The following PID1 variants were observed in gnomAD, a reference collection of about 807,000 sequenced individuals.
PID1 encodes phosphotyrosine interaction domain containing 1, also known as PTB-containing, cubilin and LRP1-interacting protein.
PID1 carries 10 observed loss-of-function variants against 19.1 expected under a neutral mutation model. That is an observed-to-expected ratio of 0.52 (90% CI 0.32 to 0.89). PID1 has a LOEUF of 0.89. Among genes scored for constraint, PID1 ranks in the 40% least tolerant of loss-of-function variants. PID1 has a pLI of 0.03. For synonymous variants in PID1, 130 were observed against 116.0 expected (o/e 1.12, Z -0.78); for missense variants, 248 against 285.3 (o/e 0.87, Z 0.94).
chr2:229,262,969 G>A, intron 1 of PID1: 3 of 1,309,174 alleles, frequency 2.3e-6, no homozygotes, highest in Non-Finnish European at 2.0e-6. Context: ...GCTTACATCT[G>A]CACAAACCTT....
At position 229,024,903 on chromosome 2, in the gene PID1, A is replaced by C; in HGVS notation, c.*729T>G. 6.6e-6 allele frequency: 1 copy of C among 152,612 alleles called. No individual in the cohort carries two copies. Among genetic ancestry groups the C allele is most frequent in the Non-Finnish European group, 1.5e-5 (1 of 68,044 alleles). The allele number at this position is 152,612 out of a possible 1,614,324, so 9.5% of individuals were successfully genotyped here. A position where few individuals can be genotyped will look rare whatever the true frequency, so the allele number is the denominator to read the frequency against. On this transcript the variant is annotated 3_prime_UTR_variant, in exon 3 of 3. Coordinates refer to ENST00000392055, the MANE Select transcript of PID1 (RefSeq NM_001100818.2). ...CATATGCTGAGATTTCATCCCTCTA[A>C]GGATGTTAGAAGGGGAAAGAGGGTG...
At position 229,179,682 on chromosome 2, in the gene PID1, C is replaced by A. The variant is rs191676153; in HGVS notation, c.31-23718G>T. Among the ~76,000 whole-genome samples the A allele has an allele frequency of 1.3e-3, 198 of 151,854 alleles. 2 individuals are homozygous for A. Among genetic ancestry groups the A allele is most frequent in the East Asian group, 5.8e-4 (3 of 5,170 alleles). ...CATGCAAGATTCCCAACAACAACAA[C>A]AAAAAAAAGCAGCTCTCCTCAAAGC... On this transcript the variant is annotated intron_variant, in intron 1 of 2. Transcript: ENST00000392055.
chr2:229,231,888 G>A lies in PID1; in HGVS notation c.30+39126C>T, dbSNP rs965843900. ...TGCTATAACGAAATACCACAGAGTA[G>A]ATAATTTATAAAAAAAAACAGAAAT... On this transcript the variant is annotated intron_variant, in intron 1 of 2. Transcript: ENST00000392055. The A allele has an allele frequency of 3.8e-5, 59 of 1,549,358 alleles. 1 individual carries two copies. Among genetic ancestry groups the A allele is most frequent in the Non-Finnish European group, 4.7e-5 (54 of 1,146,408 alleles).
At chr2:229,238,228 G>GT (rs943180724) in intron 1 of PID1, among the ~76,000 whole-genome samples, 14 of 152,130 alleles carry the variant, frequency 9.2e-5, no homozygotes, top group African/African-American at 3.4e-4. Context: ...ATCCAACAAA[G>GT]TTTTTTAAAG....
At chr2:229,261,351 G>C (rs1370148031) in intron 1 of PID1, among the ~76,000 whole-genome samples, 1 of 152,146 alleles carries the variant, frequency 6.6e-6, no homozygotes, top group African/African-American at 2.4e-5. Context: ...AAGCAAAATA[G>C]CTACCACCAG....
chr2:229,175,365 C>T (rs1235929544), intron 1 of PID1, among the ~76,000 whole-genome samples: 1 of 152,152 alleles, frequency 6.6e-6, no homozygotes. Context: ...ACTGAGTAAA[C>T]AAGAAATTCT....
At chr2:229,056,305 C>A (rs1694098797) in intron 2 of PID1, among the ~76,000 whole-genome samples, 1 of 152,122 alleles carries the variant, frequency 6.6e-6, no homozygotes, top group African/African-American at 2.4e-5. Context: ...CACGAGAGTG[C>A]CACATAACAA....
At chr2:229,262,967 C>A in intron 1 of PID1, 1 of 1,314,388 alleles carries the variant, frequency 7.6e-7, no homozygotes, top group Non-Finnish European at 9.9e-7. Flanking sequence ...TTGCTTACAT[C>A]TGCACAAACC....
intron 2 of PID1, among the ~76,000 whole-genome samples, chr2:229,027,715 T>C (rs1470543709): frequency 2.6e-5 from 4 of 152,068 alleles, no homozygotes; most frequent in African/African-American, 7.3e-5. Flanking sequence ...TAAAGGCAAG[T>C]AGTAGAGAAA....
chr2:229,205,860 T>G (rs1290169670), intron 1 of PID1, among the ~76,000 whole-genome samples: 2 of 152,164 alleles, frequency 1.3e-5, no homozygotes, highest in Non-Finnish European at 2.9e-5. Context: ...TCATTAACAT[T>G]CTTGACATAA....
chr2:229,243,419 T>C (rs780888019), intron 1 of PID1, among the ~76,000 whole-genome samples: 2 of 152,142 alleles, frequency 1.3e-5, no homozygotes, highest in African/African-American at 2.4e-5. Context: ...GCAAGGTTTA[T>C]AATTCCCCAC....
intron 1 of PID1, among the ~76,000 whole-genome samples, chr2:229,188,951 A>G (rs555205593): frequency 2.0e-5 from 3 of 152,294 alleles, no homozygotes; most frequent in South Asian, 4.2e-4. Context: ...TTTCTCAATG[A>G]CAATTACTGG....
chr2:229,145,155 G>GTGTATATA (rs1391018424), intron 2 of PID1, among the ~76,000 whole-genome samples: 62 of 119,938 alleles, frequency 5.2e-4, no homozygotes, highest in African/African-American at 1.8e-3. Context: ...ATATGTATGT[G>GTGTATATA]TATATATATA....
chr2:229,204,495 C>T (rs1691564858), intron 1 of PID1, among the ~76,000 whole-genome samples: 1 of 152,124 alleles, frequency 6.6e-6, no homozygotes, highest in Non-Finnish European at 1.5e-5. Context: ...AAGATTTTCA[C>T]ATCTTGTCAA....
At chr2:229,123,312 G>A (rs1419168697) in intron 2 of PID1, among the ~76,000 whole-genome samples, 1 of 152,156 alleles carries the variant, frequency 6.6e-6, no homozygotes, top group African/African-American at 2.4e-5. Flanking sequence ...CACTTAGCAT[G>A]ATGTTTTCAA....
chr2:229,192,768 G>A (rs77590287), intron 1 of PID1, among the ~76,000 whole-genome samples: 27 of 152,102 alleles, frequency 1.8e-4, no homozygotes, highest in African/African-American at 4.6e-4. Flanking sequence ...ACACAATGGC[G>A]TTCAATAAAT....
chr2:229,105,148 G>A (rs575781792), intron 2 of PID1, among the ~76,000 whole-genome samples: 4 of 152,294 alleles, frequency 2.6e-5, no homozygotes, highest in East Asian at 1.9e-4. Flanking sequence ...GGATCACCAC[G>A]TTGTAACATG....
chr2:229,062,704 T>C (rs1288556541), intron 2 of PID1, among the ~76,000 whole-genome samples: 2 of 151,944 alleles, frequency 1.3e-5, no homozygotes, highest in Admixed American at 6.6e-5. Flanking sequence ...TTTAAAAATA[T>C]TGGTATTAGT....
At chr2:229,044,531 C>T (rs1693835680) in intron 2 of PID1, among the ~76,000 whole-genome samples, 1 of 152,164 alleles carries the variant, frequency 6.6e-6, no homozygotes, top group Admixed American at 6.6e-5. Context: ...CCATTATTGC[C>T]AGCTCTCAAA....
Sources: gnomAD v4.1 joint callset for allele counts (sites outside exome capture counted in the v4.1 genomes callset) on GRCh38, gnomAD v4.1.1 for gene constraint, MANE v1.5 for transcripts, NCBI Gene and HGNC (gene_info 2026-07-23, HGNC 2026-07-21) for gene names.